SLC22A23: variants seen among roughly 807,000 people sequenced by gnomAD.
SLC22A23 encodes ion transporter protein.
Under a neutral mutation model 61.0 loss-of-function variants are expected in SLC22A23, and 26 were observed. The ratio of observed to expected loss-of-function variants is 0.43; its 90% CI spans 0.31 to 0.59. The LOEUF (loss-of-function observed/expected upper bound fraction) is 0.59, where lower values mean the gene tolerates loss of function less well. Ranked by LOEUF, SLC22A23 falls within the 20% of genes least tolerant of loss-of-function variation. The pLI is 0.11. For missense variants in SLC22A23, 796 were observed against 934.7 expected, an observed-to-expected ratio of 0.85 and a Z score of 1.94; for synonymous variants, 430 against 413.9, an observed-to-expected ratio of 1.04 and a Z score of -0.47.
At chr6:3,341,078 G>A (rs1369056239) in intron 3 of SLC22A23, among the ~76,000 whole-genome samples, 3 of 152,180 alleles carry the variant, frequency 2.0e-5, no homozygotes, top group East Asian at 1.9e-4. Flanking sequence ...TCCTGGCTCT[G>A]AAGGACACAC....
At chr6:3,417,826 T>C (rs1769832186) in intron 1 of SLC22A23, among the ~76,000 whole-genome samples, 1 of 152,262 alleles carries the variant, frequency 6.6e-6, no homozygotes, top group Non-Finnish European at 1.5e-5. Context: ...AAAAGACTAC[T>C]GGCTGCTGCT....
chr6:3,425,720 C>G (rs1770448292), intron 1 of SLC22A23, among the ~76,000 whole-genome samples: 1 of 152,210 alleles, frequency 6.6e-6, no homozygotes, highest in Non-Finnish European at 1.5e-5. Context: ...AGCACCCTGA[C>G]AGCACAACAG....
In SLC22A23 at chr6:3,288,979, G is replaced by A. The variant is rs533975840; in HGVS notation, c.1313+785C>T. ...AGCCATGGGGGATGCTTGGCCCCTC[G>A]CCCTCACCCTGGGCCTGTCTTTACC... On this transcript the variant is annotated intron_variant, in intron 6 of 9. Coordinates refer to ENST00000406686, the MANE Select transcript of SLC22A23 (RefSeq NM_015482.2). 7.1e-4 allele frequency among the ~76,000 whole-genome samples: 108 copies of A among 152,342 alleles called. 1 individual carries two copies. The highest frequency in any genetic ancestry group is 2.4e-3 in the African/African-American group (101 of 41,574).
At chr6:3,368,059 G>A (rs1408038955) in intron 3 of SLC22A23, among the ~76,000 whole-genome samples, 1 of 152,204 alleles carries the variant, frequency 6.6e-6, no homozygotes, top group African/African-American at 2.4e-5. Context: ...GAGAGCAAAG[G>A]AGGGTGGCCT....
chr6:3,388,123 C>T (rs1408406662), intron 3 of SLC22A23, among the ~76,000 whole-genome samples: 2 of 152,146 alleles, frequency 1.3e-5, no homozygotes, highest in Admixed American at 1.3e-4. Context: ...AGGGAGAGGG[C>T]AAGCCCGCCA....
intron 3 of SLC22A23, among the ~76,000 whole-genome samples, chr6:3,337,411 T>C (rs2127417528): frequency 6.6e-6 from 1 of 151,348 alleles, no homozygotes; most frequent in East Asian, 1.9e-4. Flanking sequence ...TTTTATCATC[T>C]GCACAACAAG....
chr6:3,346,246 G>A (rs777257764), intron 3 of SLC22A23, among the ~76,000 whole-genome samples: 3 of 152,138 alleles, frequency 2.0e-5, no homozygotes, highest in Non-Finnish European at 4.4e-5. Context: ...CGTCTCTGCT[G>A]ACCTGCTCAC....
At position 3,334,497 on chromosome 6, in the gene SLC22A23, CTTTT is replaced by C. The variant is rs1186433062; in HGVS notation, c.914-10499_914-10496del. The stretch of plus-strand genomic sequence containing the variant: ...TTTTTAACCAACAGCAGGCATGTGA[CTTTT>C]TTTTTTTTCAATGAAAAAAAAGAGT... On this transcript the variant is annotated intron_variant, in intron 3 of 9. Coordinates refer to ENST00000406686, the MANE Select transcript of SLC22A23 (RefSeq NM_015482.2). 4.1e-5 allele frequency among the ~76,000 whole-genome samples: 6 copies of C among 147,098 alleles called. No individual in the cohort carries two copies. The South Asian group carries it at 1.3e-3, about 32-fold the overall frequency.
At chr6:3,277,569 T>G (rs1381337210) in intron 9 of SLC22A23, among the ~76,000 whole-genome samples, 1 of 152,178 alleles carries the variant, frequency 6.6e-6, no homozygotes, top group Non-Finnish European at 1.5e-5. Context: ...CCCTGCATCC[T>G]CAGGACACTT....
rs150111022 is a variant in SLC22A23 at position 3,320,458 on chromosome 6, G to C, written c.1082+3376C>G. On this transcript the variant is annotated intron_variant, in intron 4 of 9. Transcript: ENST00000406686. Reference sequence around the variant, plus strand: ...CATGCTCCCCTGTCTGCTCCTCAGAGATACAGCACTCCAAAGCACCAAGTA... The same window carrying C: ...CATGCTCCCCTGTCTGCTCCTCAGACATACAGCACTCCAAAGCACCAAGTA... 2.2e-3 allele frequency among the ~76,000 whole-genome samples: 342 copies of C among 152,280 alleles called. 2 individuals are homozygous for C. The highest frequency in any genetic ancestry group is 7.7e-3 in the African/African-American group (320 of 41,546).
At position 3,456,625 on chromosome 6, in the gene SLC22A23, C is replaced by T. The variant is rs1297963347; in HGVS notation, c.-66G>A. 2 of 950,574 alleles carry T rather than the reference C, an allele frequency of 2.1e-6. No individual in the cohort carries two copies. Among genetic ancestry groups the T allele is most frequent in the Non-Finnish European group, 2.5e-6 (2 of 801,058 alleles). The allele number at this position is 950,574 out of a possible 1,614,324, so 58.9% of individuals were successfully genotyped here. ...GCGGAGGCTCCGCGGGCGCCCCGGG[C>T]ACAGCGCGCCGGGCCAGGCGCCTGC... On this transcript the variant is annotated 5_prime_UTR_variant, in exon 1 of 10. Coordinates refer to ENST00000406686, the MANE Select transcript of SLC22A23 (RefSeq NM_015482.2). This position sits in a 1 kb window ranked among gnomAD's most constrained non-coding sequence, Gnocchi z 7.1.
rs1210814576 is a variant in SLC22A23, at chr6:3,410,414, T to C, written c.759-72A>G. ...AATGACGCTAGATGCTGAAACCCGGTGTCCAGCAGGCACTCAATATATGTT... is the reference window on the plus strand; with the variant it reads ...AATGACGCTAGATGCTGAAACCCGGCGTCCAGCAGGCACTCAATATATGTT... On this transcript the variant is annotated intron_variant, in intron 2 of 9. Coordinates refer to ENST00000406686, the MANE Select transcript of SLC22A23 (RefSeq NM_015482.2). This position sits in a 1 kb window ranked among gnomAD's most constrained non-coding sequence, Gnocchi z 5.0. The C allele has an allele frequency of 2.1e-6, 3 of 1,455,484 alleles. No homozygotes were observed. In the Admixed American group the frequency reaches 6.8e-5, roughly 33 times the overall value. The allele number at this position is 1,455,484 out of a possible 1,614,324, so 90.2% of individuals were successfully genotyped here. A position where few individuals can be genotyped will look rare whatever the true frequency, so the allele number is the denominator to read the frequency against.
At chr6:3,285,047 G>A (rs758077950) in intron 8 of SLC22A23, 32 bp downstream of exon 8, 52 of 1,611,046 alleles carry the variant, frequency 3.2e-5, no homozygotes, top group East Asian at 4.5e-5. Flanking sequence ...AATATGAGAC[G>A]AGGAAGCACA....
At chr6:3,400,560 C>T (rs984719233) in intron 3 of SLC22A23, among the ~76,000 whole-genome samples, 1 of 152,236 alleles carries the variant, frequency 6.6e-6, no homozygotes, top group Non-Finnish European at 1.5e-5. Context: ...CAATCACGTT[C>T]ATCTGGTCAG....
At position 3,456,272 on chromosome 6, in the gene SLC22A23, C is replaced by T; in HGVS notation, c.288G>A (p.Gln96=). 2 of 1,551,344 alleles carry T rather than the reference C, an allele frequency of 1.3e-6. No individual in the cohort carries two copies. The highest frequency in any genetic ancestry group is 1.7e-6 in the Non-Finnish European group (2 of 1,146,844). ...TCCAGGTGAGCAGCACGAGGGTCTTCTGATAGCCCCCGCCCAGGCCCCCGA... is the reference window on the plus strand; with the variant it reads ...TCCAGGTGAGCAGCACGAGGGTCTTTTGATAGCCCCCGCCCAGGCCCCCGA... ...PFLGGLGGGY[Q]KTLVLLTWIP... The change falls in exon 1 of 10, where the codon CAG becomes CAA. Residue 96 remains glutamine (Q), a synonymous_variant. Coordinates refer to ENST00000406686, the MANE Select transcript of SLC22A23 (RefSeq NM_015482.2). The surrounding 1 kb of genome is among the most constrained non-coding windows in gnomAD (Gnocchi z 7.1).
chr6:3,394,207 T>G (rs2127490801), intron 3 of SLC22A23, among the ~76,000 whole-genome samples: 1 of 152,168 alleles, frequency 6.6e-6, no homozygotes, highest in South Asian at 2.1e-4. Flanking sequence ...CAGCTTGTAC[T>G]CTCTGGGTGG....
rs1390810003 is a variant in SLC22A23, at chr6:3,269,664, G to A, written c.*3391C>T. 1 of 152,246 alleles carries A rather than the reference G, an allele frequency of 6.6e-6. No individual in the cohort carries two copies. The highest frequency in any genetic ancestry group is 1.5e-5 in the Non-Finnish European group (1 of 67,918). The allele number at this position is 152,246 out of a possible 1,614,324, so 9.4% of individuals were successfully genotyped here. Reference sequence around the variant, plus strand: ...TTTATATTACAACCTCAAGGACAGGGAGGGAAGTGTTCGCCGCTAGACATG... The same window carrying A: ...TTTATATTACAACCTCAAGGACAGGAAGGGAAGTGTTCGCCGCTAGACATG... On this transcript the variant is annotated 3_prime_UTR_variant, in exon 10 of 10. Transcript: ENST00000406686.
At chr6:3,394,723 T>C (rs1581809120) in intron 3 of SLC22A23, among the ~76,000 whole-genome samples, 1 of 152,086 alleles carries the variant, frequency 6.6e-6, no homozygotes, top group East Asian at 1.9e-4. Flanking sequence ...ACCAGACCCC[T>C]TAAGTCTCCA....
chr6:3,348,812 G>C (rs1247368465), intron 3 of SLC22A23, among the ~76,000 whole-genome samples: 2 of 152,228 alleles, frequency 1.3e-5, no homozygotes, highest in Non-Finnish European at 2.9e-5. Flanking sequence ...TGGGTCACAA[G>C]GAGACAAACC....
Sources: gnomAD v4.1 joint callset for allele counts (sites outside exome capture counted in the v4.1 genomes callset) on GRCh38, gnomAD v4.1.1 for gene constraint, Gnocchi (gnomAD v3.1) non-coding constraint, MANE v1.5 for transcripts, NCBI Gene and HGNC (gene_info 2026-07-23, HGNC 2026-07-21) for gene names.